Variants in RFC3 observed in about 807,000 individuals in gnomAD.
RFC3 encodes A1 38 kDa subunit.
In RFC3, 41 loss-of-function variants were observed where a neutral mutation model predicts 45.1. That is an observed-to-expected ratio of 0.91 (90% CI 0.71 to 1.18). RFC3 has a LOEUF of 1.18. Among genes scored for constraint, RFC3 ranks in the 50% most tolerant of loss-of-function variants. RFC3 has a pLI of 0.00. For synonymous variants in RFC3, 149 were observed against 144.0 expected (o/e 1.03, Z -0.25); for missense variants, 423 against 428.1 (o/e 0.99, Z 0.10).
intron 8 of RFC3, among the ~76,000 whole-genome samples, chr13:33,947,349 T>C (rs570547223): frequency 1.3e-5 from 2 of 152,294 alleles, no homozygotes; most frequent in Admixed American, 1.3e-4. Flanking sequence ...CCTTCTCTCA[T>C]GATTGTAAGT....
intron 2 of RFC3, 63 bp downstream of exon 2, chr13:33,821,332 G>C: frequency 6.6e-7 from 1 of 1,509,438 alleles, no homozygotes; most frequent in Non-Finnish European, 9.2e-7. Flanking sequence ...TCTTGGTCAT[G>C]TATGTCCCCC....
In RFC3 at chr13:33,830,012, G is replaced by A. The variant is rs187852293; in HGVS notation, c.568G>A (p.Glu190Lys). Residue 190 changes from glutamate (E) to lysine (K), a missense_variant, in exon 5 of 9, where the codon GAA (glutamate) becomes AAA (lysine). By Grantham distance (56) the Glu-to-Lys change is moderately conservative (BLOSUM62 1). Transcript: ENST00000380071. Reference sequence around the variant, plus strand: ...GGTTCGTGTGCCTGCTCCCAGCATTGAAGATGTAGGTCAAGTTACACTTTT... The same window carrying A: ...GGTTCGTGTGCCTGCTCCCAGCATTAAAGATGTAGGTCAAGTTACACTTTT... ...LAVRVPAPSI[E>K]DICHVLSTVC... is the part of the protein sequence containing the mutation. 3 of 1,613,328 alleles carry A rather than the reference G, an allele frequency of 1.9e-6. No homozygotes were observed. The Admixed American group carries it at 5.0e-5, about 27-fold the overall frequency.
chr13:33,829,567 TA>T, intron 4 of RFC3: 1 of 380,318 alleles, frequency 2.6e-6, no homozygotes, highest in Non-Finnish European at 4.7e-6. Context: ...CTCACAATAT[TA>T]AAAACTCAGA....
chr13:33,895,999 G>T (rs1265130824), intron 8 of RFC3, among the ~76,000 whole-genome samples: 1 of 152,006 alleles, frequency 6.6e-6, no homozygotes, highest in Admixed American at 6.6e-5. Flanking sequence ...GGACTTTGGA[G>T]ACTCAGAATG....
chr13:33,961,740 AC>A (rs1177928575), intron 8 of RFC3, among the ~76,000 whole-genome samples: 2 of 152,216 alleles, frequency 1.3e-5, no homozygotes, highest in Non-Finnish European at 2.9e-5. Flanking sequence ...TCAAGACAGC[AC>A]AGTCAGAAAG....
At chr13:33,850,726 A>G (rs553583268) in intron 8 of RFC3, 144 of 152,302 alleles carry the variant, frequency 9.5e-4, no homozygotes, top group African/African-American at 3.4e-3. Context: ...AACTCATTTT[A>G]TGCTGTTTTT....
intron 8 of RFC3, among the ~76,000 whole-genome samples, chr13:33,940,622 T>C (rs1261705430): frequency 6.6e-6 from 1 of 152,206 alleles, no homozygotes; most frequent in African/African-American, 2.4e-5. Context: ...ATTTTTATGT[T>C]TTTATTTCAA....
chr13:33,857,084 C>T (rs2137524362), intron 8 of RFC3, among the ~76,000 whole-genome samples: 1 of 152,284 alleles, frequency 6.6e-6, no homozygotes, highest in African/African-American at 2.4e-5. Context: ...TTTAGATTTT[C>T]ATGTCTTTGA....
intron 7 of RFC3, among the ~76,000 whole-genome samples, chr13:33,834,499 A>T (rs3135624): frequency 0.03 from 4,518 of 150,838 alleles, 137 homozygotes; most frequent in African/African-American, 0.07. Context: ...CAGAGGTTTG[A>T]ATGTTCCTAT....
Position 33,959,296 on chromosome 13 carries a change from G to A in RFC3, c.880-6791G>A, listed in dbSNP as rs144432244. Among the ~76,000 whole-genome samples, 1,190 of 152,216 alleles carry A rather than the reference G, an allele frequency of 7.8e-3. 15 individuals carry two copies. The highest frequency in any genetic ancestry group is 0.027 in the African/African-American group (1,116 of 41,534). On this transcript the variant is annotated intron_variant, in intron 8 of 8. Coordinates refer to the RFC3 transcript ENST00000434425. ...TAACTTCTCATACCTGCAGAATACA[G>A]GCCAAACTCCTTATTAAGGGCTTCC...
At chr13:33,915,873 A>G (rs985631518) in intron 8 of RFC3, among the ~76,000 whole-genome samples, 4 of 152,172 alleles carry the variant, frequency 2.6e-5, no homozygotes, top group African/African-American at 7.2e-5. Flanking sequence ...ATCTCGGCTC[A>G]TTGCAACCTC....
At chr13:33,924,045 G>T (rs2082786267) in intron 8 of RFC3, among the ~76,000 whole-genome samples, 1 of 152,156 alleles carries the variant, frequency 6.6e-6, no homozygotes, top group Non-Finnish European at 1.5e-5. Context: ...TTCTGGTTCA[G>T]CCCTGACAAG....
At chr13:33,870,485 G>A (rs187995225) in intron 8 of RFC3, among the ~76,000 whole-genome samples, 1 of 152,322 alleles carries the variant, frequency 6.6e-6, no homozygotes. Flanking sequence ...AAAACAGAAA[G>A]GTTGAGAAGG....
intron 8 of RFC3, among the ~76,000 whole-genome samples, chr13:33,959,046 G>A (rs1450921444): frequency 6.6e-6 from 1 of 152,182 alleles, no homozygotes; most frequent in African/African-American, 2.4e-5. Context: ...ATAAGATTCT[G>A]TGTCTCCAGA....
intron 8 of RFC3, among the ~76,000 whole-genome samples, chr13:33,899,204 CAAAAAAAAAAAAA>C (rs59221382): frequency 1.9e-5 from 1 of 51,968 alleles, no homozygotes; most frequent in Admixed American, 3.0e-4. Context: ...CACAATAAGA[CAAAAAAAAAAAAA>C]AAAAAAAAAA....
chr13:33,889,705 T>G (rs191279073), intron 8 of RFC3, among the ~76,000 whole-genome samples: 53 of 152,350 alleles, frequency 3.5e-4, no homozygotes, highest in Non-Finnish European at 6.8e-4. Context: ...CCTCTCCTCC[T>G]ATCCCAGGCT....
At chr13:33,827,809 T>G (rs1289196277) in intron 4 of RFC3, among the ~76,000 whole-genome samples, 1 of 152,220 alleles carries the variant, frequency 6.6e-6, no homozygotes, top group Non-Finnish European at 1.5e-5. Flanking sequence ...CCTTTTGTGT[T>G]GGTCATTTTG....
chr13:33,823,933 A>T lies in RFC3; in HGVS notation c.242A>T (p.Lys81Ile). The change falls in exon 3 of 9, where the codon AAA (lysine) becomes ATA (isoleucine). Residue 81 changes from lysine to isoleucine, a missense_variant. Coordinates refer to ENST00000380071, the MANE Select transcript of RFC3 (RefSeq NM_002915.4). ...TGTCCACAGACTCCATCTAAAAAAA[A>T]AATTGAAATTAGCACCATTGCAAGT... ...HQTITTPSKKKIEISTIASNY... is the reference protein window; with the variant it reads ...HQTITTPSKKIIEISTIASNY... 1.3e-6 allele frequency: 2 copies of T among 1,564,034 alleles called. No homozygotes were observed. The highest frequency in any genetic ancestry group is 1.8e-6 in the Non-Finnish European group (2 of 1,141,652).
chr13:33,831,241 C>G lies in RFC3; in HGVS notation c.711-15C>G. 6.7e-7 allele frequency: 1 copy of G among 1,495,070 alleles called. No individual in the cohort carries two copies. Among genetic ancestry groups the G allele is most frequent in the Non-Finnish European group, 9.3e-7 (1 of 1,071,938 alleles). 92.6% of individuals were successfully genotyped at this position (1,495,070 alleles called of 1,614,324 possible). A position where few individuals can be genotyped will look rare whatever the true frequency, so the allele number is the denominator to read the frequency against. ...ACTTCTGTTTAACTTCTTGTGTTCT[C>G]TTTTTGTCATGTAGATATCCTTTTA... On this transcript the variant is annotated splice_polypyrimidine_tract_variant and intron_variant, in intron 6 of 8. Transcript: ENST00000380071.
Sources: gnomAD v4.1 joint callset for allele counts (sites outside exome capture counted in the v4.1 genomes callset) on GRCh38, gnomAD v4.1.1 for gene constraint, MANE v1.5 for transcripts, NCBI Gene and HGNC (gene_info 2026-07-23, HGNC 2026-07-21) for gene names.